Variants in NOVA1 observed in about 807,000 individuals in gnomAD.
The protein encoded by NOVA1 is NOVA alternative splicing regulator 1.
Under a neutral mutation model 38.0 loss-of-function variants are expected in NOVA1, and 7 were observed. The observed-to-expected ratio is 0.18, with a 90% CI of 0.10 to 0.35. The LOEUF (loss-of-function observed/expected upper bound fraction) is 0.35. NOVA1 is among the 10% of genes least tolerant of loss of function. The pLI, the probability that NOVA1 is intolerant of heterozygous loss-of-function variation, is 1.00. For missense variants in NOVA1, 460 were observed against 616.0 expected, an observed-to-expected ratio of 0.75 and a Z score of 2.68; for synonymous variants, 270 against 232.5, an observed-to-expected ratio of 1.16 and a Z score of -1.47.
Position 26,443,526 on chromosome 14 carries a change from C to G in NOVA1, c.*4433G>C, listed in dbSNP as rs996016711. 12 of 152,038 alleles carry G rather than the reference C, an allele frequency of 7.9e-5. No homozygotes were observed. Among genetic ancestry groups the G allele is most frequent in the African/African-American group, 2.9e-4 (12 of 41,322 alleles). 9.4% of individuals were successfully genotyped at this position (152,038 alleles called of 1,614,324 possible). ...TCAATATTTTTCAAAATTAACATGA[C>G]AAGTTCTCTAATACTTTCATTTTTT... is the stretch of plus-strand genomic sequence containing the variant. On this transcript the variant is annotated 3_prime_UTR_variant, in exon 5 of 5. Transcript: ENST00000539517.
intron 2 of NOVA1, among the ~76,000 whole-genome samples, chr14:26,529,340 G>A (rs1257775088): frequency 6.6e-6 from 1 of 152,048 alleles, no homozygotes; most frequent in Non-Finnish European, 1.5e-5. Flanking sequence ...GTTTCATCAT[G>A]TTGGCCAGGC....
At chr14:26,562,710 G>C (rs1317309766) in intron 2 of NOVA1, among the ~76,000 whole-genome samples, 1 of 152,074 alleles carries the variant, frequency 6.6e-6, no homozygotes, top group Admixed American at 6.6e-5. Context: ...GAAAGACAGC[G>C]ATAATGTTAG....
At chr14:26,478,055 T>C (rs756428360) in intron 3 of NOVA1, among the ~76,000 whole-genome samples, 46 of 152,056 alleles carry the variant, frequency 3.0e-4, no homozygotes, top group Non-Finnish European at 4.4e-4. Flanking sequence ...CTACAAGTCT[T>C]ACAAATGGAT....
chr14:26,583,998 C>A lies in NOVA1; in HGVS notation c.280+11412G>T, dbSNP rs74243036. Among the ~76,000 whole-genome samples the A allele has an allele frequency of 2.7e-4, 41 of 151,198 alleles. No individual in the cohort carries two copies. In the East Asian group the frequency reaches 7.7e-3, roughly 28 times the overall value. ...TCATATGCTAAGAAAGCAAGAAAGG[C>A]CTACATATTGAATGAATTTAAGAAA... On this transcript the variant is annotated intron_variant, in intron 2 of 4. Transcript: ENST00000539517.
chr14:26,466,981 T>C (rs1884194206), intron 4 of NOVA1, among the ~76,000 whole-genome samples: 1 of 152,150 alleles, frequency 6.6e-6, no homozygotes, highest in Non-Finnish European at 1.5e-5. Context: ...AGGTATTCTG[T>C]TACAGCAGCA....
chr14:26,564,350 C>G (rs1892005014), intron 2 of NOVA1, among the ~76,000 whole-genome samples: 1 of 152,080 alleles, frequency 6.6e-6, no homozygotes, highest in Non-Finnish European at 1.5e-5. Flanking sequence ...TTAATTCAGT[C>G]CTCACAACAA....
intron 2 of NOVA1, among the ~76,000 whole-genome samples, chr14:26,555,974 A>G (rs1324648476): frequency 6.6e-6 from 1 of 152,164 alleles, no homozygotes; most frequent in African/African-American, 2.4e-5. Flanking sequence ...CTATGTGAGA[A>G]GAACCACAAT....
At chr14:26,574,162 A>G (rs1892664532) in intron 2 of NOVA1, among the ~76,000 whole-genome samples, 1 of 149,750 alleles carries the variant, frequency 6.7e-6, no homozygotes, top group African/African-American at 2.5e-5. Context: ...AGCAGCTGGG[A>G]TTACAGGCAC....
At chr14:26,475,447 A>C (rs1472170291) in intron 3 of NOVA1, among the ~76,000 whole-genome samples, 3 of 152,218 alleles carry the variant, frequency 2.0e-5, no homozygotes, top group Non-Finnish European at 2.9e-5. Flanking sequence ...CATCATGAAG[A>C]TGTAATTAAC....
In NOVA1 at chr14:26,472,359, G is replaced by A. The variant is rs778263631; in HGVS notation, c.480C>T (p.Ser160=). ...AGGTGGTCATGGGATCAGATGGAGA[G>A]GACTTGGTGGTAGTTGGGGAAGATG... ...TLPSSPTTTK[S]SPSDPMTTSR... is the part of the protein sequence containing the mutation. The change falls in exon 4 of 5, where the codon TCC becomes TCT. Residue 160 remains serine, a synonymous_variant. Transcript: ENST00000539517. The A allele has an allele frequency of 1.3e-6, 2 of 1,568,244 alleles. No individual in the cohort carries two copies. Among genetic ancestry groups the A allele is most frequent in the Admixed American group, 1.8e-5 (1 of 56,602 alleles).
At chr14:26,479,014 G>A (rs1885217444) in intron 3 of NOVA1, 1 of 151,606 alleles carries the variant, frequency 6.6e-6, no homozygotes, top group African/African-American at 2.4e-5. Context: ...ACACTGTTCA[G>A]TATAATACTT....
intron 2 of NOVA1, among the ~76,000 whole-genome samples, chr14:26,499,103 C>G (rs1452625779): frequency 6.6e-6 from 1 of 152,118 alleles, no homozygotes; most frequent in Non-Finnish European, 1.5e-5. Context: ...ATCTAATGTG[C>G]TACATAAAAC....
intron 2 of NOVA1, among the ~76,000 whole-genome samples, chr14:26,584,724 A>T (rs1467374407): frequency 6.6e-6 from 1 of 151,426 alleles, no homozygotes; most frequent in Non-Finnish European, 1.5e-5. Context: ...TTGTTCACCA[A>T]GCAAATTAAA....
At chr14:26,508,897 GA>G (rs1887845908) in intron 2 of NOVA1, among the ~76,000 whole-genome samples, 1 of 151,568 alleles carries the variant, frequency 6.6e-6, no homozygotes, top group Non-Finnish European at 1.5e-5. Flanking sequence ...TTAAATATAT[GA>G]AAGATGAATA....
chr14:26,595,922 A>G (rs778922076), intron 1 of NOVA1: 4 of 406,062 alleles, frequency 9.9e-6, no homozygotes. Context: ...TCAGAGGTTT[A>G]TAAGATGACA....
intron 2 of NOVA1, among the ~76,000 whole-genome samples, chr14:26,482,645 C>T (rs1885559970): frequency 1.3e-5 from 2 of 152,172 alleles, no homozygotes; most frequent in Admixed American, 1.3e-4. Context: ...AAACCAGTTA[C>T]ATAAAAGTAC....
At chr14:26,523,829 C>T (rs891821736) in intron 2 of NOVA1, among the ~76,000 whole-genome samples, 8 of 148,538 alleles carry the variant, frequency 5.4e-5, no homozygotes, top group African/African-American at 1.8e-4. Flanking sequence ...CAGCTCACTG[C>T]AAGCTCCGCC....
intron 4 of NOVA1, among the ~76,000 whole-genome samples, chr14:26,467,236 C>G (rs990822671): frequency 2.0e-5 from 3 of 152,102 alleles, no homozygotes; most frequent in Admixed American, 2.0e-4. Flanking sequence ...GGGTAGTATC[C>G]TGGAAGCCAA....
chr14:26,528,768 T>C (rs1283599394), intron 2 of NOVA1, among the ~76,000 whole-genome samples: 1 of 152,194 alleles, frequency 6.6e-6, no homozygotes. Context: ...CTGTTATGAT[T>C]CCCTTTAGCC....
Sources: gnomAD v4.1 joint callset for allele counts (sites outside exome capture counted in the v4.1 genomes callset) on GRCh38, gnomAD v4.1.1 for gene constraint, MANE v1.5 for transcripts, NCBI Gene and HGNC (gene_info 2026-07-23, HGNC 2026-07-21) for gene names.